The following KIF15 variants were observed in gnomAD, a reference collection of about 807,000 sequenced individuals.
KIF15 encodes kinesin-like protein KIF15.
KIF15 carries 140 observed loss-of-function variants against 190.6 expected under a neutral mutation model. The ratio of observed to expected loss-of-function variants is 0.73; its 90% CI spans 0.64 to 0.84. The LOEUF (loss-of-function observed/expected upper bound fraction) is 0.84. KIF15 is among the 40% of genes least tolerant of loss of function. KIF15 has a pLI of 0.00. For synonymous variants in KIF15, 528 were observed against 551.3 expected, an observed-to-expected ratio of 0.96 and a Z score of 0.59; for missense variants, 1,372 against 1,584.4, an observed-to-expected ratio of 0.87 and a Z score of 2.28.
intron 11 of KIF15, among the ~76,000 whole-genome samples, chr3:44,801,210 G>C (rs1284462293): frequency 1.3e-5 from 2 of 148,728 alleles, no homozygotes; most frequent in East Asian, 2.0e-4. Flanking sequence ...GGGGGCGGCG[G>C]GAGGGGGGGG....
At chr3:44,808,870 G>A (rs998537331) in intron 16 of KIF15, among the ~76,000 whole-genome samples, 1 of 152,222 alleles carries the variant, frequency 6.6e-6, no homozygotes, top group African/African-American at 2.4e-5. Context: ...AGCACCATGA[G>A]GGATATCCCC....
chr3:44,788,739 C>A (rs1453886222), intron 7 of KIF15, among the ~76,000 whole-genome samples: 4 of 152,308 alleles, frequency 2.6e-5, no homozygotes, highest in Non-Finnish European at 5.9e-5. Context: ...AGACACTGCA[C>A]CTGGCCCTAT....
intron 28 of KIF15, among the ~76,000 whole-genome samples, 199 bp downstream of exon 28, chr3:44,840,655 ATTTTTTTTTTTTTTTTT>A (rs60621752): frequency 7.5e-5 from 5 of 67,024 alleles, no homozygotes; most frequent in Non-Finnish European, 1.4e-4. Flanking sequence ...TAAGCAGCGG[ATTTTTTTTTTTTTTTTT>A]TTTTTTTTTT....
In KIF15 at chr3:44,810,993, A is replaced by T. The variant is rs752113952; in HGVS notation, c.2119A>T (p.Met707Leu). 4 of 1,613,790 alleles carry T rather than the reference A, an allele frequency of 2.5e-6. No homozygotes were observed. In the African/African-American group the frequency reaches 5.3e-5, roughly 22 times the overall value. ...DILNEPVPPEMNEQAFEAISE... is the reference protein window; with the variant it reads ...DILNEPVPPELNEQAFEAISE... The stretch of plus-strand genomic sequence containing the variant: ...ATTAAATGAGCCAGTTCCTCCTGAG[A>T]TGAATGAACAAGCTTTTGAGGCCAT... The change falls in exon 17 of 35, where the codon ATG becomes TTG. Residue 707 changes from methionine to leucine, a missense_variant. Met to Leu is a conservative substitution (Grantham distance 15). Coordinates refer to ENST00000326047, the MANE Select transcript of KIF15 (RefSeq NM_020242.3).
intron 29 of KIF15, among the ~76,000 whole-genome samples, chr3:44,842,355 G>C (rs1698651916): frequency 6.6e-6 from 1 of 152,132 alleles, no homozygotes; most frequent in Non-Finnish European, 1.5e-5. Context: ...AAGAGTGTCT[G>C]GGTAGGTGTG....
intron 16 of KIF15, among the ~76,000 whole-genome samples, chr3:44,806,554 C>CA (rs1262438825): frequency 6.6e-6 from 1 of 152,088 alleles, no homozygotes; most frequent in African/African-American, 2.4e-5. Flanking sequence ...AAAGGAAGTA[C>CA]ACAAGGAAAA....
intron 1 of KIF15, among the ~76,000 whole-genome samples, chr3:44,766,860 G>T (rs1705405315): frequency 7.1e-6 from 1 of 140,314 alleles, no homozygotes; most frequent in African/African-American, 2.9e-5. Flanking sequence ...TCCCAGGCTG[G>T]AGTGCAGTGG....
Position 44,812,226 on chromosome 3 carries a change from T to C in KIF15, c.2214T>C (p.His738=). The part of the protein sequence containing the change: ...ALQAKLDEEE[H]KNLKLQQHVD... ...AAGCCAAACTGGATGAAGAAGAGCA[T>C]AAAAACCTAAAGCTTCAGCAGCATG... The change falls in exon 18 of 35, where the codon CAT becomes CAC. Residue 738 remains histidine, a synonymous_variant. Coordinates refer to ENST00000326047, the MANE Select transcript of KIF15 (RefSeq NM_020242.3). The C allele has an allele frequency of 6.2e-7, 1 of 1,613,978 alleles. No individual in the cohort carries two copies. Among genetic ancestry groups the C allele is most frequent in the South Asian group, 1.1e-5 (1 of 91,070 alleles).
intron 1 of KIF15, among the ~76,000 whole-genome samples, chr3:44,771,103 G>C (rs1056087154): frequency 6.6e-6 from 1 of 152,108 alleles, no homozygotes; most frequent in African/African-American, 2.4e-5. Context: ...ACCATCTTTT[G>C]AAGAGGATGA....
intron 30 of KIF15, among the ~76,000 whole-genome samples, chr3:44,845,653 CAA>C (rs1176215369): frequency 6.6e-6 from 1 of 152,088 alleles, no homozygotes; most frequent in African/African-American, 2.4e-5. Flanking sequence ...AAAACCCTAA[CAA>C]AGTGGAGTCA....
chr3:44,810,722 A>C, intron 16 of KIF15, 124 bp from the exon 17 acceptor site: 1 of 775,930 alleles, frequency 1.3e-6, no homozygotes, highest in South Asian at 2.0e-5. Context: ...ACTGTGTCTC[A>C]AGGGTACTTT....
chr3:44,790,578 C>T (rs1346778569), intron 7 of KIF15, among the ~76,000 whole-genome samples: 1 of 151,824 alleles, frequency 6.6e-6, no homozygotes, highest in East Asian at 1.9e-4. Context: ...TGATTCTGTA[C>T]TTTCCTATCA....
At chr3:44,787,934 A>C (rs1348531668) in intron 7 of KIF15, among the ~76,000 whole-genome samples, 1 of 151,964 alleles carries the variant, frequency 6.6e-6, no homozygotes, top group Non-Finnish European at 1.5e-5. Context: ...GGCTCACTGC[A>C]ACCTCCGCCT....
At chr3:44,792,800 C>A (rs1269444500) in intron 7 of KIF15, among the ~76,000 whole-genome samples, 1 of 152,176 alleles carries the variant, frequency 6.6e-6, no homozygotes, top group Non-Finnish European at 1.5e-5. Flanking sequence ...CCCACCTGGG[C>A]CTCCCAAAGT....
chr3:44,841,678 G>A (rs1405555950), intron 29 of KIF15, among the ~76,000 whole-genome samples: 2 of 152,168 alleles, frequency 1.3e-5, no homozygotes, highest in Non-Finnish European at 2.9e-5. Context: ...GATTACAGGT[G>A]TGAGCCACCG....
rs201462933 is a variant in KIF15, at chr3:44,775,369, C to T, written c.178C>T (p.Arg60Trp). 4.5e-5 allele frequency: 72 copies of T among 1,613,998 alleles called. No homozygotes were observed. In the East Asian group the frequency reaches 1.1e-3, roughly 25 times the overall value. The part of the protein sequence containing the change: ...CLSVLSSTSL[R>W]LHSNPEPKTF... Reference sequence around the variant, plus strand: ...ATCTGTGCTGTCCTCCACGAGTCTCCGGCTGCACTCCAACCCTGAGCCCAA... The same window carrying T: ...ATCTGTGCTGTCCTCCACGAGTCTCTGGCTGCACTCCAACCCTGAGCCCAA... The change falls in exon 3 of 35, where the codon CGG becomes TGG. Residue 60 changes from arginine (R) to tryptophan (W), a missense_variant. By Grantham distance (101) the Arg-to-Trp change is moderately radical (BLOSUM62 -3). Transcript: ENST00000326047.
intron 5 of KIF15, among the ~76,000 whole-genome samples, chr3:44,782,262 A>G (rs1317756394): frequency 6.6e-6 from 1 of 151,980 alleles, no homozygotes; most frequent in Non-Finnish European, 1.5e-5. Context: ...GCGTCTCACC[A>G]TGTTGGCCAG....
At chr3:44,815,262 C>T (rs541465560) in intron 20 of KIF15, among the ~76,000 whole-genome samples, 186 bp downstream of exon 20, 36 of 152,302 alleles carry the variant, frequency 2.4e-4, no homozygotes, top group African/African-American at 8.2e-4. Flanking sequence ...GAGTCTCAAG[C>T]AATATTGTCA....
downstream of KIF15, among the ~76,000 whole-genome samples, chr3:44,856,406 GA>G (rs1345756356): frequency 3.3e-5 from 5 of 152,224 alleles, no homozygotes; most frequent in African/African-American, 4.8e-5. Flanking sequence ...CGATGGAAAG[GA>G]AATGAGAGGT....
Sources: allele counts gnomAD v4.1 joint callset (sites outside exome capture counted in the v4.1 genomes callset), GRCh38; gene constraint gnomAD v4.1.1; transcripts MANE v1.5; gene names NCBI Gene and HGNC (gene_info 2026-07-23, HGNC 2026-07-21).